Variants in BCKDHB observed in about 807,000 individuals in gnomAD.
BCKDHB encodes branched chain keto acid dehydrogenase E1 subunit beta.
BCKDHB carries 41 observed loss-of-function variants against 48.5 expected under a neutral mutation model. That is an observed-to-expected ratio of 0.85 (90% CI 0.66 to 1.10). BCKDHB has a LOEUF of 1.10. BCKDHB is among the 50% of genes least tolerant of loss of function. The probability of loss-of-function intolerance (pLI) is 0.00; values close to 1 mark genes in which losing one functional copy is unlikely to be tolerated. For synonymous variants in BCKDHB, 201 were observed against 174.8 expected (o/e 1.15, Z -1.18); for missense variants, 496 against 494.2 (o/e 1.00, Z -0.03).
At chr6:80,263,082 A>G (rs1777371364) in intron 8 of BCKDHB, among the ~76,000 whole-genome samples, 1 of 152,204 alleles carries the variant, frequency 6.6e-6, no homozygotes, top group Admixed American at 6.5e-5. Context: ...TTTCTGGAGA[A>G]CTATTATTAT....
At chr6:80,280,013 T>C (rs925647893) in intron 9 of BCKDHB, among the ~76,000 whole-genome samples, 25 of 152,206 alleles carry the variant, frequency 1.6e-4, no homozygotes, top group Non-Finnish European at 3.4e-4. Flanking sequence ...GAATAAGGAA[T>C]TAGGCAAAGG....
At chr6:80,394,880 A>T in the BCKDHB span, among the ~76,000 whole-genome samples, 1 of 152,160 alleles carries the variant, frequency 6.6e-6, no homozygotes. Context: ...TGGTTACCCT[A>T]TGCTGCTGTT....
At chr6:80,107,042 C>T (rs75703155) in intron 1 of BCKDHB, among the ~76,000 whole-genome samples, 153 bp downstream of exon 1, 1 of 151,960 alleles carries the variant, frequency 6.6e-6, no homozygotes, top group Non-Finnish European at 1.5e-5. Context: ...CAGGGTCTAA[C>T]TGTGGTTCAC....
At chr6:80,127,359 C>T in intron 1 of BCKDHB, 188 bp from the exon 2 acceptor site, 5 of 580,988 alleles carry the variant, frequency 8.6e-6, no homozygotes, top group South Asian at 2.0e-5. Flanking sequence ...AAATTTTGCC[C>T]CATTAACAAG....
intron 8 of BCKDHB, among the ~76,000 whole-genome samples, chr6:80,219,211 T>G (rs550285949): frequency 6.6e-6 from 1 of 152,098 alleles, no homozygotes; most frequent in South Asian, 2.1e-4. Flanking sequence ...TCTTTTTTTT[T>G]TTTTCTTTTT....
chr6:80,343,834 GCTA>G lies in BCKDHB; in HGVS notation c.*34_*36del. 1 of 1,611,732 alleles carries G rather than the reference GCTA, an allele frequency of 6.2e-7. No individual in the cohort carries two copies. Among genetic ancestry groups the G allele is most frequent in the Non-Finnish European group, 8.5e-7 (1 of 1,177,990 alleles). ...ATAGGTAGGTATGCATCTTGAGAAA[GCTA>G]CTATGTGCCCCTGACATTAACGTAC... On this transcript the variant is annotated 3_prime_UTR_variant, in exon 10 of 10. Transcript: ENST00000320393.
At chr6:80,117,794 C>A (rs1769785269) in intron 1 of BCKDHB, among the ~76,000 whole-genome samples, 1 of 152,232 alleles carries the variant, frequency 6.6e-6, no homozygotes. Context: ...TTATCACTGG[C>A]TTGCTGTCAA....
intron 8 of BCKDHB, among the ~76,000 whole-genome samples, chr6:80,254,016 T>G: frequency 6.6e-6 from 1 of 152,064 alleles, no homozygotes; most frequent in Non-Finnish European, 1.5e-5. Context: ...TATTACAAAA[T>G]AACTATCTAG....
At chr6:80,354,417 C>G in the BCKDHB span, among the ~76,000 whole-genome samples, 1 of 151,980 alleles carries the variant, frequency 6.6e-6, no homozygotes, top group Non-Finnish European at 1.5e-5. Flanking sequence ...TTAGTAGAGA[C>G]GGGGTTTCAC....
chr6:80,383,596 T>C, the BCKDHB span, among the ~76,000 whole-genome samples: 138,985 of 152,108 alleles, frequency 0.91, 64,809 homozygotes, highest in East Asian at 1. Context: ...ATTTAAAATG[T>C]GTCTTTATAG....
chr6:80,254,701 TA>T (rs1776976313), intron 8 of BCKDHB, among the ~76,000 whole-genome samples: 1 of 151,894 alleles, frequency 6.6e-6, no homozygotes, highest in Non-Finnish European at 1.5e-5. Context: ...TCCTGTCTCT[TA>T]AAAAAACACA....
At chr6:80,394,131 A>G in the BCKDHB span, among the ~76,000 whole-genome samples, 1 of 152,120 alleles carries the variant, frequency 6.6e-6, no homozygotes. Flanking sequence ...TTTTTAGAAT[A>G]TTTATCTCTA....
At chr6:80,241,757 C>T (rs939551779) in intron 8 of BCKDHB, among the ~76,000 whole-genome samples, 4 of 152,150 alleles carry the variant, frequency 2.6e-5, no homozygotes, top group East Asian at 1.9e-4. Context: ...ACCATTTACA[C>T]GCTCACCAGC....
At chr6:80,420,303 T>C in the BCKDHB span, among the ~76,000 whole-genome samples, 11 of 152,238 alleles carry the variant, frequency 7.2e-5, no homozygotes, top group Non-Finnish European at 1.5e-4. Context: ...TGACTGGCTT[T>C]GGGAGAAAAA....
chr6:80,412,598 T>C, the BCKDHB span, among the ~76,000 whole-genome samples: 1 of 152,244 alleles, frequency 6.6e-6, no homozygotes, highest in Non-Finnish European at 1.5e-5. Flanking sequence ...TTTGACTATA[T>C]ACTTACCTTC....
chr6:80,443,621 A>G, the BCKDHB span: 4 of 152,270 alleles, frequency 2.6e-5, 1 homozygote, highest in South Asian at 6.2e-4. Context: ...TCACTAAGCA[A>G]GTTTTCTATA....
At chr6:80,181,590 G>C (rs1773415122) in intron 6 of BCKDHB, among the ~76,000 whole-genome samples, 1 of 152,100 alleles carries the variant, frequency 6.6e-6, no homozygotes, top group African/African-American at 2.4e-5. Context: ...TTTTAGTTGG[G>C]CTATTTCACC....
chr6:80,174,368 A>G (rs894875281), intron 6 of BCKDHB, among the ~76,000 whole-genome samples: 6 of 152,104 alleles, frequency 3.9e-5, no homozygotes, highest in South Asian at 2.1e-4. Context: ...ATGCAGTACT[A>G]TCGTTCCTCA....
intron 3 of BCKDHB, among the ~76,000 whole-genome samples, chr6:80,158,703 A>G (rs888430022): frequency 3.3e-5 from 5 of 152,288 alleles, no homozygotes; most frequent in South Asian, 2.1e-4. Flanking sequence ...ACACTGATCA[A>G]TCAGTGGATG....
Sources: gnomAD v4.1 joint callset for allele counts (sites outside exome capture counted in the v4.1 genomes callset) on GRCh38, gnomAD v4.1.1 for gene constraint, MANE v1.5 for transcripts, NCBI Gene and HGNC (gene_info 2026-07-23, HGNC 2026-07-21) for gene names.